MYO10: variants seen among roughly 807,000 people sequenced by gnomAD.
The protein encoded by MYO10 is unconventional myosin-X.
Under a neutral mutation model 257.3 loss-of-function variants are expected in MYO10, and 133 were observed. The observed-to-expected ratio is 0.52, with a 90% CI of 0.45 to 0.60. The LOEUF (loss-of-function observed/expected upper bound fraction) is 0.60. MYO10 is among the 20% of genes least tolerant of loss of function. MYO10 has a pLI of 0.00. For missense variants in MYO10, 2,399 were observed against 2,635.7 expected, an observed-to-expected ratio of 0.91 and a Z score of 1.97; for synonymous variants, 1,104 against 1,028.6, an observed-to-expected ratio of 1.07 and a Z score of -1.40.
At chr5:16,697,561 A>G (rs1195278481) in intron 26 of MYO10, among the ~76,000 whole-genome samples, 1 of 151,974 alleles carries the variant, frequency 6.6e-6, no homozygotes, top group Non-Finnish European at 1.5e-5. Flanking sequence ...TTAGCTGGGC[A>G]TTGGCGTGTG....
At chr5:16,839,054 CCTG>C (rs1328752534) in intron 2 of MYO10, among the ~76,000 whole-genome samples, 1 of 152,212 alleles carries the variant, frequency 6.6e-6, no homozygotes, top group Non-Finnish European at 1.5e-5. Context: ...TGTTTTCATG[CCTG>C]CTAAGACAAC....
At chr5:16,748,898 T>C (rs1159699285) in intron 19 of MYO10, among the ~76,000 whole-genome samples, 2 of 150,252 alleles carry the variant, frequency 1.3e-5, no homozygotes, top group Non-Finnish European at 3.0e-5. Flanking sequence ...GACTCATTTA[T>C]GTGAAAGGAG....
intron 10 of MYO10, 99 bp from the exon 11 acceptor site, chr5:16,766,297 C>A (rs895182301): frequency 1.2e-6 from 1 of 858,628 alleles, no homozygotes; most frequent in Admixed American, 2.1e-5. Context: ...GAATCCCTCA[C>A]GCAGAGTTTA....
intron 1 of MYO10, among the ~76,000 whole-genome samples, chr5:16,887,971 G>A (rs969524795): frequency 3.3e-5 from 5 of 152,142 alleles, no homozygotes; most frequent in Admixed American, 2.0e-4. Context: ...GGAATGTGAC[G>A]ATACAACAAA....
chr5:16,892,804 A>C (rs1294141983), intron 1 of MYO10, among the ~76,000 whole-genome samples: 1 of 152,128 alleles, frequency 6.6e-6, no homozygotes, highest in Non-Finnish European at 1.5e-5. Flanking sequence ...TTGCTACAGA[A>C]CCAAAGAATG....
At chr5:16,865,177 C>T (rs1744210259) in intron 2 of MYO10, among the ~76,000 whole-genome samples, 1 of 152,112 alleles carries the variant, frequency 6.6e-6, no homozygotes. Flanking sequence ...AAGCCAAAAA[C>T]TATACATCGG....
intron 2 of MYO10, among the ~76,000 whole-genome samples, chr5:16,876,831 C>A (rs2402319): frequency 0.73 from 110,861 of 152,106 alleles, 40,681 homozygotes; most frequent in African/African-American, 0.79. Flanking sequence ...CTGGGATTAC[C>A]GGCGTGAGCC....
chr5:16,740,041 T>C (rs1357134766), intron 19 of MYO10, among the ~76,000 whole-genome samples: 1 of 152,122 alleles, frequency 6.6e-6, no homozygotes, highest in East Asian at 1.9e-4. Context: ...CAGAGTGAAG[T>C]GCTGAAGAGC....
At position 16,680,123 on chromosome 5, in the gene MYO10, C is replaced by T. The variant is rs373001406; in HGVS notation, c.4385-19G>A. The T allele has an allele frequency of 3.9e-5, 62 of 1,601,414 alleles. No homozygotes were observed. The highest frequency in any genetic ancestry group is 5.2e-5 in the Non-Finnish European group (61 of 1,170,594). ...CAGTAGCCTGCAATGGCAGGGGTGC[C>T]CAGCACACGCACGTCAACGCCAACC... On this transcript the variant is annotated intron_variant, in intron 32 of 40. Transcript: ENST00000513610.
chr5:16,929,542 A>C (rs1746239587), intron 1 of MYO10, among the ~76,000 whole-genome samples: 1 of 152,174 alleles, frequency 6.6e-6, no homozygotes, highest in Non-Finnish European at 1.5e-5. Context: ...GCTGTGTGAC[A>C]CTGAGTCAGT....
chr5:16,807,048 A>C (rs146160433), intron 3 of MYO10, among the ~76,000 whole-genome samples: 20 of 152,346 alleles, frequency 1.3e-4, no homozygotes, highest in Non-Finnish European at 2.8e-4. Flanking sequence ...TGGGTTATTT[A>C]AAGTCTGTGC....
At chr5:16,826,792 G>T (rs1743015004) in intron 2 of MYO10, among the ~76,000 whole-genome samples, 1 of 152,108 alleles carries the variant, frequency 6.6e-6, no homozygotes, top group Non-Finnish European at 1.5e-5. Context: ...CTCCTTTCGT[G>T]TATTGGCTCT....
At position 16,816,834 on chromosome 5, in the gene MYO10, T is replaced by G. The variant is rs548949355; in HGVS notation, c.279+1175A>C. ...TGAGCCACCGCACCTGGCCTTTTTTTTCTGAGACAGAGTTTCGCTCTGTCA... is the reference window on the plus strand; with the variant it reads ...TGAGCCACCGCACCTGGCCTTTTTTGTCTGAGACAGAGTTTCGCTCTGTCA... On this transcript the variant is annotated intron_variant, in intron 3 of 40. Coordinates refer to ENST00000513610, the MANE Select transcript of MYO10 (RefSeq NM_012334.3). Among the ~76,000 whole-genome samples, 356 of 143,368 alleles carry G rather than the reference T, an allele frequency of 2.5e-3. 2 individuals are homozygous for G. Among genetic ancestry groups the G allele is most frequent in the African/African-American group, 9.0e-3 (342 of 38,142 alleles). The allele number at this position is 143,368 out of a possible 152,430, so 94.1% of individuals were successfully genotyped here.
At chr5:16,882,225 G>A (rs963139513) in intron 1 of MYO10, among the ~76,000 whole-genome samples, 4 of 152,120 alleles carry the variant, frequency 2.6e-5, no homozygotes, top group African/African-American at 4.8e-5. Context: ...GTTCACAGAG[G>A]TTCCATTTTC....
intron 2 of MYO10, among the ~76,000 whole-genome samples, chr5:16,842,371 C>T (rs1743508101): frequency 6.6e-6 from 1 of 152,124 alleles, no homozygotes; most frequent in African/African-American, 2.4e-5. Flanking sequence ...AACTGATCCC[C>T]AAAAGTGCCT....
At chr5:16,690,164 A>G (rs1737433277) in intron 27 of MYO10, among the ~76,000 whole-genome samples, 1 of 152,244 alleles carries the variant, frequency 6.6e-6, no homozygotes, top group Admixed American at 6.5e-5. Flanking sequence ...TTAAAAAACA[A>G]TACAGTGTAA....
rs932435903 is a variant in MYO10 at position 16,664,215 on chromosome 5, G to T, written c.*2477C>A. Reference sequence around the variant, plus strand: ...AAAACCACAACTATGCCATGTAAAGGCTCACATGTAAATCTATGTTCTAAC... The same window carrying T: ...AAAACCACAACTATGCCATGTAAAGTCTCACATGTAAATCTATGTTCTAAC... On this transcript the variant is annotated 3_prime_UTR_variant, in exon 41 of 41. Coordinates refer to ENST00000513610, the MANE Select transcript of MYO10 (RefSeq NM_012334.3). 3.3e-5 allele frequency: 5 copies of T among 152,060 alleles called. No individual in the cohort carries two copies. The highest frequency in any genetic ancestry group is 1.2e-4 in the African/African-American group (5 of 41,414). 9.4% of individuals were successfully genotyped at this position (152,060 alleles called of 1,614,324 possible).
chr5:16,874,206 C>T (rs557820829), intron 2 of MYO10, among the ~76,000 whole-genome samples: 22 of 151,818 alleles, frequency 1.4e-4, no homozygotes, highest in Admixed American at 1.1e-3. Context: ...TGGTGGCAGG[C>T]GCCTGTAGTC....
chr5:16,823,627 A>G (rs1253548717), intron 2 of MYO10, among the ~76,000 whole-genome samples: 1 of 150,168 alleles, frequency 6.7e-6, no homozygotes, highest in Non-Finnish European at 1.5e-5. Context: ...GCCCGCCACC[A>G]CGCCCAGCTC....
Sources: gnomAD v4.1 joint callset for allele counts (sites outside exome capture counted in the v4.1 genomes callset) on GRCh38, gnomAD v4.1.1 for gene constraint, MANE v1.5 for transcripts, NCBI Gene and HGNC (gene_info 2026-07-23, HGNC 2026-07-21) for gene names.